MAP2K1: variants seen among roughly 807,000 people sequenced by gnomAD.
The protein encoded by MAP2K1 is mitogen-activated protein kinase kinase 1.
Under a neutral mutation model 46.3 loss-of-function variants are expected in MAP2K1, and 16 were observed. That is an observed-to-expected ratio of 0.35 (90% CI 0.23 to 0.52). MAP2K1 has a LOEUF of 0.52. Among genes scored for constraint, MAP2K1 ranks in the 20% least tolerant of loss-of-function variants. The pLI is 0.94. For synonymous variants in MAP2K1, 183 were observed against 185.6 expected (o/e 0.99, Z 0.11); for missense variants, 263 against 497.1 (o/e 0.53, Z 4.48).
chr15:66,398,119 A>G lies in MAP2K1; in HGVS notation c.80+10692A>G, dbSNP rs1595838315. ...TCCATCTAAAAAAAAAAAAGTCAGT[A>G]TAAGGGTGGGCATGGTGGCACACAC... On this transcript the variant is annotated intron_variant, in intron 1 of 10. Transcript: ENST00000307102. Among the ~76,000 whole-genome samples the G allele has an allele frequency of 2.7e-5, 4 of 150,934 alleles. 1 individual carries two copies. Among genetic ancestry groups the G allele is most frequent in the Admixed American group, 2.6e-4 (4 of 15,184 alleles).
At chr15:66,489,326 C>A in intron 9 of MAP2K1, 50 bp downstream of exon 9, 3 of 1,514,108 alleles carry the variant, frequency 2.0e-6, no homozygotes, top group Non-Finnish European at 2.8e-6. Context: ...ATTTGTCAGG[C>A]TCCCCACCCC....
At chr15:66,453,607 C>T (rs1567015481) in intron 5 of MAP2K1, 1 of 701,826 alleles carries the variant, frequency 1.4e-6, no homozygotes, top group East Asian at 2.7e-5. Flanking sequence ...TCTCCTTGTC[C>T]CTGCCTATGG....
At chr15:66,461,877 T>C (rs182664204) in intron 5 of MAP2K1, among the ~76,000 whole-genome samples, 1 of 152,338 alleles carries the variant, frequency 6.6e-6, no homozygotes, top group African/African-American at 2.4e-5. Flanking sequence ...TTATTATTTC[T>C]GAATCTCACC....
intron 1 of MAP2K1, among the ~76,000 whole-genome samples, chr15:66,430,397 G>A (rs1397188170): frequency 6.6e-6 from 1 of 152,178 alleles, no homozygotes; most frequent in African/African-American, 2.4e-5. Flanking sequence ...CAGAGGCAAG[G>A]CTGCCATCGA....
intron 5 of MAP2K1, among the ~76,000 whole-genome samples, chr15:66,460,831 A>C (rs990451791): frequency 1.3e-5 from 2 of 152,004 alleles, no homozygotes; most frequent in Non-Finnish European, 2.9e-5. Context: ...TGGGAGAGAG[A>C]TGGTGCAAAG....
intron 1 of MAP2K1, among the ~76,000 whole-genome samples, chr15:66,401,546 G>C (rs2093381666): frequency 6.6e-6 from 1 of 152,186 alleles, no homozygotes; most frequent in Non-Finnish European, 1.5e-5. Context: ...GCAGGTAGGT[G>C]ACTCAAGATG....
At chr15:66,455,843 A>T (rs902817805) in intron 5 of MAP2K1, among the ~76,000 whole-genome samples, 2 of 152,188 alleles carry the variant, frequency 1.3e-5, no homozygotes, top group Non-Finnish European at 2.9e-5. Flanking sequence ...GTCCACTGTG[A>T]TTTGTTCTGT....
At chr15:66,404,033 T>TAA (rs2093389424) in intron 1 of MAP2K1, among the ~76,000 whole-genome samples, 2 of 152,186 alleles carry the variant, frequency 1.3e-5, no homozygotes, top group African/African-American at 4.8e-5. Flanking sequence ...TCCTCTTTCT[T>TAA]GGAGTCTTTA....
rs2093437847 is a variant in MAP2K1 at position 66,420,793 on chromosome 15, G to GTATATATGTGTA, written c.81-14227_81-14226insGTGTATATATAT. Reference sequence around the variant, plus strand: ...TATATATATGTGTATATATATGTGTGTATATATATGTGTATATATATGTGT... The same window carrying GTATATATGTGTA: ...TATATATATGTGTATATATATGTGTGTATATATGTGTATATATATATGTGTATATATATGTGT... On this transcript the variant is annotated intron_variant, in intron 1 of 10. Coordinates refer to ENST00000307102, the MANE Select transcript of MAP2K1 (RefSeq NM_002755.4). Among the ~76,000 whole-genome samples, 4 of 35,124 alleles carry GTATATATGTGTA rather than the reference G, an allele frequency of 1.1e-4. 1 individual carries two copies. The highest frequency in any genetic ancestry group is 3.6e-4 in the African/African-American group (4 of 11,198). 23.0% of individuals were successfully genotyped at this position (35,124 alleles called of 152,430 possible).
chr15:66,481,828 G>A lies in MAP2K1; in HGVS notation c.642G>A (p.Gln214=), dbSNP rs996423439. ...IKLCDFGVSG[Q]LIDSMANSFV... is the part of the protein sequence containing the mutation. ...TCTGTGACTTTGGGGTCAGCGGGCA[G>A]CTCATCGACTCCATGGCCAACTCCT... is the stretch of plus-strand genomic sequence containing the variant. The change falls in exon 6 of 11, where the codon CAG becomes CAA. Residue 214 remains glutamine, a synonymous_variant. Coordinates refer to ENST00000307102, the MANE Select transcript of MAP2K1 (RefSeq NM_002755.4). The A allele has an allele frequency of 6.2e-7, 1 of 1,613,944 alleles. No individual in the cohort carries two copies. The highest frequency in any genetic ancestry group is 1.3e-5 in the African/African-American group (1 of 74,930).
chr15:66,440,986 A>G (rs2093502083), intron 3 of MAP2K1, among the ~76,000 whole-genome samples: 1 of 152,154 alleles, frequency 6.6e-6, no homozygotes, highest in African/African-American at 2.4e-5. Flanking sequence ...TTTTACAGAT[A>G]CGGTCTTGCT....
intron 5 of MAP2K1, among the ~76,000 whole-genome samples, chr15:66,449,003 C>CAAAAAA (rs59398424): frequency 8.0e-4 from 38 of 47,754 alleles, no homozygotes; most frequent in Non-Finnish European, 8.9e-4. Context: ...GACACTGTCT[C>CAAAAAA]AAAAAAAAAA....
chr15:66,388,040 C>T (rs539320850), intron 1 of MAP2K1, among the ~76,000 whole-genome samples: 1 of 152,314 alleles, frequency 6.6e-6, no homozygotes, highest in Admixed American at 6.5e-5. Flanking sequence ...CGGCTTTCTT[C>T]TTCATCCTAC....
chr15:66,431,885 C>CGCCCCTGT (rs1567007958), intron 1 of MAP2K1, among the ~76,000 whole-genome samples: 2 of 152,100 alleles, frequency 1.3e-5, no homozygotes. Context: ...GTGTTGTTCC[C>CGCCCCTGT]GCCCCTGTGC....
At chr15:66,447,519 C>CCT (rs1172052687) in intron 5 of MAP2K1, among the ~76,000 whole-genome samples, 1 of 150,580 alleles carries the variant, frequency 6.6e-6, no homozygotes, top group South Asian at 2.1e-4. Context: ...GGTGAAACCC[C>CCT]GTCTCCACTA....
chr15:66,443,547 A>G (rs1472990597), intron 4 of MAP2K1, among the ~76,000 whole-genome samples, 190 bp downstream of exon 4: 2 of 145,984 alleles, frequency 1.4e-5, no homozygotes, highest in East Asian at 2.0e-4. Context: ...GAATGAGAAA[A>G]GTGACTTTCT....
chr15:66,434,965 G>A lies in MAP2K1; in HGVS notation c.81-62G>A, dbSNP rs1035682433. ...CTGGAGCTTTCTTTCCATGATAGGA[G>A]TACTTCTTTGGGTTGACTTCTCTGG... On this transcript the variant is annotated intron_variant, in intron 1 of 10. Transcript: ENST00000307102. The A allele has an allele frequency of 9.8e-5, 104 of 1,057,112 alleles. 1 individual carries two copies. The highest frequency in any genetic ancestry group is 1.5e-4 in the Non-Finnish European group (98 of 673,514). 65.5% of individuals were successfully genotyped at this position (1,057,112 alleles called of 1,614,324 possible).
chr15:66,435,156 G>C lies in MAP2K1; in HGVS notation c.210G>C (p.Lys70Asn), dbSNP rs2140579443. Residue 70 changes from lysine to asparagine, a missense_variant, in exon 2 of 11, where the codon AAG (lysine) becomes AAC (asparagine). Transcript: ENST00000307102. ...AACTGAAGGATGACGACTTTGAGAA[G>C]ATCAGTGAGCTGGGGGCTGGCAATG... is the stretch of plus-strand genomic sequence containing the variant. ...VGELKDDDFE[K>N]ISELGAGNGG... is the part of the protein sequence containing the mutation. The C allele has an allele frequency of 6.2e-7, 1 of 1,614,150 alleles. No individual in the cohort carries two copies. The highest frequency in any genetic ancestry group is 8.5e-7 in the Non-Finnish European group (1 of 1,180,024).
intron 5 of MAP2K1, among the ~76,000 whole-genome samples, chr15:66,474,224 A>G (rs927293982): frequency 2.6e-5 from 4 of 152,206 alleles, no homozygotes; most frequent in Non-Finnish European, 4.4e-5. Flanking sequence ...GGTTGTAAAA[A>G]TCTTGAAAGT....
Sources: allele counts gnomAD v4.1 joint callset (sites outside exome capture counted in the v4.1 genomes callset), GRCh38; gene constraint gnomAD v4.1.1; transcripts MANE v1.5; gene names NCBI Gene and HGNC (gene_info 2026-07-23, HGNC 2026-07-21).